Variants in MUC7 observed in about 807,000 individuals in gnomAD.
MUC7 encodes mucin-7.
Under a neutral mutation model 2.5 loss-of-function variants are expected in MUC7, and 2 were observed. The observed-to-expected ratio is 0.81, with a 90% CI of 0.33 to 2.55. The LOEUF is 2.55. Among genes scored for constraint, MUC7 ranks in the 30% most tolerant of loss-of-function variants. The pLI is 0.11. For synonymous variants in MUC7, 133 were observed against 173.4 expected (o/e 0.77, Z 1.83); for missense variants, 408 against 455.6 (o/e 0.90, Z 0.95).
At chr4:70,466,497 G>C (rs977568848) in intron 1 of MUC7, among the ~76,000 whole-genome samples, 3 of 152,076 alleles carry the variant, frequency 2.0e-5, no homozygotes, top group African/African-American at 7.2e-5. Flanking sequence ...CCATCAGTGT[G>C]CTATATTCAG....
chr4:70,450,300 C>T (rs1734248720), intron 1 of MUC7, among the ~76,000 whole-genome samples: 3 of 152,118 alleles, frequency 2.0e-5, no homozygotes, highest in Non-Finnish European at 4.4e-5. Context: ...TTCAGCTTGT[C>T]ATGTATGCTG....
intron 1 of MUC7, among the ~76,000 whole-genome samples, chr4:70,454,540 G>A (rs1026633664): frequency 6.6e-6 from 1 of 152,218 alleles, no homozygotes; most frequent in East Asian, 1.9e-4. Context: ...ATGAGGGAAG[G>A]GTTGTGTCAG....
rs991245514 is a variant in MUC7, at chr4:70,451,007, C to T, written c.-93+20320C>T. Among the ~76,000 whole-genome samples the T allele has an allele frequency of 5.9e-5, 9 of 152,000 alleles. No homozygotes were observed. The South Asian group carries it at 6.2e-4, about 10-fold the overall frequency. On this transcript the variant is annotated intron_variant, in intron 1 of 3. Transcript: ENST00000413702. ...AGTCCACTGTCTCTGAGCTGGTTCA[C>T]CACTAGGACTGCCTAAGAGTTGCAG...
intron 1 of MUC7, among the ~76,000 whole-genome samples, chr4:70,447,834 TA>T (rs1383431401): frequency 2.6e-5 from 4 of 152,124 alleles, no homozygotes; most frequent in Non-Finnish European, 5.9e-5. Context: ...ACAATTAAAT[TA>T]TTTTTCACTG....
chr4:70,437,686 G>T (rs1034254643), intron 1 of MUC7, among the ~76,000 whole-genome samples: 6 of 152,190 alleles, frequency 3.9e-5, no homozygotes, highest in African/African-American at 1.4e-4. Context: ...TCCCAGGTGA[G>T]GCGACACCCC....
intron 1 of MUC7, chr4:70,430,690 A>G (rs893618756): frequency 6.6e-6 from 1 of 152,118 alleles, no homozygotes; most frequent in Admixed American, 6.6e-5. Flanking sequence ...CTTCAAAGGT[A>G]GGTACCTGGG....
chr4:70,481,798 G>C lies in MUC7; in HGVS notation c.1054G>C (p.Gly352Arg). The change falls in exon 3 of 3, where the codon GGC becomes CGC. Residue 352 changes from glycine to arginine, a missense_variant. Transcript: ENST00000304887. ...TACTAAACAACCAACTTCAGCTCCT[G>C]GCCAAAATAAAATTTCTCGATTTCT... ...TTTKQPTSAPGQNKISRFLLY... is the reference protein window; with the variant it reads ...TTTKQPTSAPRQNKISRFLLY... 1 of 1,614,084 alleles carries C rather than the reference G, an allele frequency of 6.2e-7. No individual in the cohort carries two copies. Among genetic ancestry groups the C allele is most frequent in the East Asian group, 2.2e-5 (1 of 44,854 alleles).
At chr4:70,436,589 C>T (rs1285307146) in intron 1 of MUC7, among the ~76,000 whole-genome samples, 1 of 152,174 alleles carries the variant, frequency 6.6e-6, no homozygotes, top group Non-Finnish European at 1.5e-5. Flanking sequence ...TCTAGTTAGC[C>T]ATTCGTCTAA....
chr4:70,446,165 G>T (rs1734129274), intron 1 of MUC7, among the ~76,000 whole-genome samples: 1 of 152,264 alleles, frequency 6.6e-6, no homozygotes, highest in East Asian at 1.9e-4. Context: ...ATGTGCATGG[G>T]TTACTATGCC....
At chr4:70,451,772 G>T (rs762761737) in intron 1 of MUC7, among the ~76,000 whole-genome samples, 7 of 152,008 alleles carry the variant, frequency 4.6e-5, no homozygotes, top group African/African-American at 1.4e-4. Flanking sequence ...ATATGTATTA[G>T]GTCTATTTGT....
chr4:70,457,066 G>C (rs779955711), intron 1 of MUC7, among the ~76,000 whole-genome samples: 1 of 152,158 alleles, frequency 6.6e-6, no homozygotes, highest in African/African-American at 2.4e-5. Flanking sequence ...TGGTTGCCCT[G>C]GGAAGTGGTA....
chr4:70,438,607 C>T (rs1461594843), intron 1 of MUC7, among the ~76,000 whole-genome samples: 1 of 152,064 alleles, frequency 6.6e-6, no homozygotes, highest in African/African-American at 2.4e-5. Context: ...CGGGCATGCA[C>T]CACCACACCT....
Position 70,482,875 on chromosome 4 carries a change from T to C in MUC7, c.*997T>C, listed in dbSNP as rs1432847605. On this transcript the variant is annotated 3_prime_UTR_variant, in exon 3 of 3. Transcript: ENST00000304887. Reference sequence around the variant, plus strand: ...TGTAAAACAATAAAAGTTAGCTACTTGGTATACGGAGATGTTAATTTGGGA... The same window carrying C: ...TGTAAAACAATAAAAGTTAGCTACTCGGTATACGGAGATGTTAATTTGGGA... 6.6e-6 allele frequency: 1 copy of C among 152,234 alleles called. No individual in the cohort carries two copies. The highest frequency in any genetic ancestry group is 1.5e-5 in the Non-Finnish European group (1 of 68,038). 9.4% of individuals were successfully genotyped at this position (152,234 alleles called of 1,614,324 possible).
At chr4:70,449,986 C>A (rs745865167) in intron 1 of MUC7, among the ~76,000 whole-genome samples, 1 of 152,214 alleles carries the variant, frequency 6.6e-6, no homozygotes, top group Non-Finnish European at 1.5e-5. Flanking sequence ...CCCTGGGGCT[C>A]TATAATCAGC....
chr4:70,448,385 C>T (rs2109712679), intron 1 of MUC7, among the ~76,000 whole-genome samples: 1 of 152,302 alleles, frequency 6.6e-6, no homozygotes, highest in South Asian at 2.1e-4. Context: ...AGTGTTTGTA[C>T]TAATTTACAT....
chr4:70,465,872 C>T lies in MUC7; in HGVS notation c.-92-6343C>T, dbSNP rs1734671570. Among the ~76,000 whole-genome samples the T allele has an allele frequency of 1.3e-5, 2 of 152,152 alleles. 1 individual carries two copies. The highest frequency in any genetic ancestry group is 4.1e-4 in the South Asian group (2 of 4,826). On this transcript the variant is annotated intron_variant, in intron 1 of 3. Coordinates refer to the MUC7 transcript ENST00000413702. ...TCCCCAACCCAGCAAAACAGACCAA[C>T]ATTCAAATTCAGGAAATACAGAGAA...
At chr4:70,454,731 A>G (rs988178044) in intron 1 of MUC7, among the ~76,000 whole-genome samples, 2 of 152,148 alleles carry the variant, frequency 1.3e-5, no homozygotes, top group Non-Finnish European at 2.9e-5. Context: ...TCATTAGGCC[A>G]TCTTGGTCCA....
rs1735150136 is a variant in MUC7, at chr4:70,480,986, C to A, written c.242C>A (p.Pro81His). The change falls in exon 3 of 3, where the codon CCC becomes CAC. Residue 81 changes from proline (P) to histidine (H), a missense_variant. Pro to His is a moderately conservative substitution (Grantham distance 77). Transcript: ENST00000304887. ...RPKLPPSPNN[P>H]PKFPNPHQPP... ...AAGCTTCCACCTTCACCTAATAACC[C>A]CCCCAAATTCCCAAATCCTCACCAG... 6.2e-7 allele frequency: 1 copy of A among 1,614,002 alleles called. No individual in the cohort carries two copies. Among genetic ancestry groups the A allele is most frequent in the Non-Finnish European group, 8.5e-7 (1 of 1,179,994 alleles).
upstream of MUC7, among the ~76,000 whole-genome samples, chr4:70,467,530 A>G (rs1369492390): frequency 6.6e-6 from 1 of 152,204 alleles, no homozygotes; most frequent in Non-Finnish European, 1.5e-5. Flanking sequence ...AATAAAGAAG[A>G]AAAGAGAGAA....
Sources: allele counts gnomAD v4.1 joint callset (sites outside exome capture counted in the v4.1 genomes callset), GRCh38; gene constraint gnomAD v4.1.1; transcripts MANE v1.5; gene names NCBI Gene and HGNC (gene_info 2026-07-23, HGNC 2026-07-21).